NEK10: variants seen among roughly 807,000 people sequenced by gnomAD.
NEK10 encodes serine/threonine-protein kinase Nek10.
NEK10 carries 122 observed loss-of-function variants against 159.8 expected under a neutral mutation model. The observed-to-expected ratio is 0.76, with a 90% CI of 0.66 to 0.89. NEK10 has a LOEUF of 0.89. Ranked by LOEUF, NEK10 falls within the 40% of genes least tolerant of loss-of-function variation. The probability of loss-of-function intolerance (pLI) is 0.00; values close to 1 mark genes in which losing one functional copy is unlikely to be tolerated. For missense variants in NEK10, 1,342 were observed against 1,323.1 expected, an observed-to-expected ratio of 1.01 and a Z score of -0.22; for synonymous variants, 466 against 457.1, an observed-to-expected ratio of 1.02 and a Z score of -0.25.
intron 26 of NEK10, among the ~76,000 whole-genome samples, chr3:27,189,640 A>G (rs192700921): frequency 5.3e-5 from 8 of 152,136 alleles, no homozygotes; most frequent in African/African-American, 1.9e-4. Flanking sequence ...GTAAGTTTTT[A>G]AAAATAATAA....
chr3:27,322,212 A>G lies in NEK10; in HGVS notation c.412T>C (p.Cys138Arg). 1 of 1,568,478 alleles carries G rather than the reference A, an allele frequency of 6.4e-7. No homozygotes were observed. The highest frequency in any genetic ancestry group is 8.7e-7 in the Non-Finnish European group (1 of 1,153,150). Residue 138 changes from cysteine (C) to arginine (R), a missense_variant, in exon 6 of 36, where the codon TGT becomes CGT. Transcript: ENST00000691995. ...GGATCCCTCATTAGTAGCCTCAGAC[A>G]GATTAACACTCTCAGAAAATGAATA... Reference protein sequence around the residue: ...PSIHFLRVLICLRLLMRDPCY... With the variant: ...PSIHFLRVLIRLRLLMRDPCY...
chr3:27,302,347 G>A (rs1312961201), intron 12 of NEK10, among the ~76,000 whole-genome samples: 1 of 151,594 alleles, frequency 6.6e-6, no homozygotes, highest in African/African-American at 2.4e-5. Flanking sequence ...TTTTTCTTCT[G>A]CATTATATGT....
At chr3:27,133,523 C>T (rs1942845744) in intron 31 of NEK10, among the ~76,000 whole-genome samples, 1 of 152,116 alleles carries the variant, frequency 6.6e-6, no homozygotes, top group African/African-American at 2.4e-5. Flanking sequence ...GCCTTTAATC[C>T]CAGCACTTTG....
At chr3:27,214,640 G>A (rs1272492748) in intron 23 of NEK10, among the ~76,000 whole-genome samples, 1 of 151,448 alleles carries the variant, frequency 6.6e-6, no homozygotes. Context: ...AAACAGACTT[G>A]GTTTCGAATA....
At chr3:27,267,783 A>G (rs988537979) in intron 22 of NEK10, among the ~76,000 whole-genome samples, 6 of 152,174 alleles carry the variant, frequency 3.9e-5, no homozygotes, top group African/African-American at 1.4e-4. Flanking sequence ...CATTCAAGTG[A>G]AAGGAATAGT....
At chr3:27,361,206 G>A (rs547965580) in intron 1 of NEK10, among the ~76,000 whole-genome samples, 2 of 152,298 alleles carry the variant, frequency 1.3e-5, no homozygotes, top group South Asian at 4.1e-4. Flanking sequence ...GAAATCTGCA[G>A]ATATAAATGT....
At chr3:27,353,839 G>A (rs2149832217) in intron 1 of NEK10, among the ~76,000 whole-genome samples, 1 of 152,156 alleles carries the variant, frequency 6.6e-6, no homozygotes, top group Admixed American at 6.5e-5. Flanking sequence ...AAACCCACTC[G>A]TGAACTTTAA....
rs1447034778 is a variant in NEK10, at chr3:27,352,859, C to G, written c.24G>C (p.Val8=). The change falls in exon 2 of 36, where the codon GTG becomes GTC. Residue 8 remains valine, a synonymous_variant. Coordinates refer to ENST00000691995, the MANE Select transcript of NEK10 (RefSeq NM_001394966.1). ...TATCAGTTGATTTTTCTGTGGTCTT[C>G]ACCTTTTTATCTTGATCAGGCATTG... MPDQDKK[V]KTTEKSTDKQ... is the part of the protein sequence containing the mutation. 18 of 1,609,842 alleles carry G rather than the reference C, an allele frequency of 1.1e-5. No individual in the cohort carries two copies. The highest frequency in any genetic ancestry group is 1.5e-5 in the Non-Finnish European group (18 of 1,176,524).
Position 27,174,791 on chromosome 3 carries a change from C to G in NEK10, c.2548G>C (p.Ala850Pro), listed in dbSNP as rs757113691. The G allele has an allele frequency of 1.9e-6, 3 of 1,609,378 alleles. No individual in the cohort carries two copies. Among genetic ancestry groups the G allele is most frequent in the African/African-American group, 1.3e-5 (1 of 74,548 alleles). Residue 850 changes from alanine (A) to proline (P), a missense_variant, in exon 27 of 36, where the codon GCA (alanine) becomes CCA (proline). Ala to Pro is a conservative substitution (Grantham distance 27). Transcript: ENST00000691995. ...KASLSSSSSG[A>P]ASLKSELSES... is the part of the protein sequence containing the mutation. ...GAAAGTTCACTTTTCAGGCTGGCTG[C>G]TCCACTGCTGCTGCTACTCAAACTT...
intron 22 of NEK10, among the ~76,000 whole-genome samples, chr3:27,266,506 C>T (rs1443308766): frequency 6.6e-6 from 1 of 152,136 alleles, no homozygotes; most frequent in African/African-American, 2.4e-5. Flanking sequence ...TAAGTGTCTC[C>T]TAGGCATCTC....
chr3:27,250,110 T>C (rs1472740198), intron 23 of NEK10, among the ~76,000 whole-genome samples: 1 of 152,216 alleles, frequency 6.6e-6, no homozygotes, highest in Non-Finnish European at 1.5e-5. Flanking sequence ...TGATTCACAT[T>C]TTAGTCTTAC....
Position 27,270,459 on chromosome 3 carries a change from C to A in NEK10, c.2015-14088G>T, listed in dbSNP as rs978436338. Among the ~76,000 whole-genome samples, 65 of 152,150 alleles carry A rather than the reference C, an allele frequency of 4.3e-4. 1 individual carries two copies. Among genetic ancestry groups the A allele is most frequent in the Non-Finnish European group, 2.1e-4 (14 of 68,032 alleles). The stretch of plus-strand genomic sequence containing the variant: ...TGAGAAACCCTAAGTCAGAATCACC[C>A]AGATAAACTGCTCCTGGACTCCTGA... On this transcript the variant is annotated intron_variant, in intron 22 of 35. Coordinates refer to ENST00000691995, the MANE Select transcript of NEK10 (RefSeq NM_001394966.1).
intron 25 of NEK10, among the ~76,000 whole-genome samples, chr3:27,195,928 T>C (rs1220810142): frequency 6.6e-6 from 1 of 152,180 alleles, no homozygotes. Context: ...GGGTACTGCG[T>C]TAAGTGGGTC....
chr3:27,178,046 C>T (rs183641163), intron 26 of NEK10, among the ~76,000 whole-genome samples: 2 of 152,062 alleles, frequency 1.3e-5, no homozygotes, highest in Non-Finnish European at 2.9e-5. Flanking sequence ...ATCAATACGG[C>T]GGCAAGGAGA....
chr3:27,348,079 C>T (rs2047697167), intron 3 of NEK10, among the ~76,000 whole-genome samples: 1 of 152,074 alleles, frequency 6.6e-6, no homozygotes, highest in Non-Finnish European at 1.5e-5. Context: ...TTTGTCATTA[C>T]AAATTAGGTG....
In NEK10 at chr3:27,119,950, T is replaced by C. The variant is rs3796203; in HGVS notation, c.3082-82A>G. 289 of 951,778 alleles carry C rather than the reference T, an allele frequency of 3.0e-4. 3 individuals are homozygous for C. The East Asian group carries it at 6.0e-3, about 20-fold the overall frequency. The allele number at this position is 951,778 out of a possible 1,614,324, so 59.0% of individuals were successfully genotyped here. On this transcript the variant is annotated intron_variant, in intron 32 of 35. Coordinates refer to ENST00000691995, the MANE Select transcript of NEK10 (RefSeq NM_001394966.1). Reference sequence around the variant, plus strand: ...AGACCTCTGTGTGGGGTTTTTCATTTCCCTATGTCTCTGCACAGAAAATTT... The same window carrying C: ...AGACCTCTGTGTGGGGTTTTTCATTCCCCTATGTCTCTGCACAGAAAATTT...
At chr3:27,323,455 G>A (rs990404148) in intron 5 of NEK10, among the ~76,000 whole-genome samples, 9 of 152,250 alleles carry the variant, frequency 5.9e-5, no homozygotes, top group East Asian at 1.9e-4. Flanking sequence ...GGGTGAGAAC[G>A]GGAGGATTCT....
At chr3:27,282,630 C>CATAACTGTGTTATATATATATAT (rs2042278482) in intron 22 of NEK10, among the ~76,000 whole-genome samples, 1 of 97,166 alleles carries the variant, frequency 1.0e-5, no homozygotes, top group African/African-American at 3.9e-5. Flanking sequence ...TATATATATA[C>CATAACTGTGTTATATATATATAT]ATAACTGTGT....
At chr3:27,365,211 A>G (rs1400192956) in intron 1 of NEK10, among the ~76,000 whole-genome samples, 1 of 152,192 alleles carries the variant, frequency 6.6e-6, no homozygotes, top group Non-Finnish European at 1.5e-5. Context: ...CTACTGTGGA[A>G]CATTTTCCTC....
Sources: gnomAD v4.1 joint callset for allele counts (sites outside exome capture counted in the v4.1 genomes callset) on GRCh38, gnomAD v4.1.1 for gene constraint, MANE v1.5 for transcripts, NCBI Gene and HGNC (gene_info 2026-07-23, HGNC 2026-07-21) for gene names.